CYRIB: variants seen among roughly 807,000 people sequenced by gnomAD.
The protein encoded by CYRIB is CYFIP related Rac1 interactor B.
A neutral mutation model predicts 44.2 loss-of-function variants in CYRIB; 8 were observed. The ratio of observed to expected loss-of-function variants is 0.18; its 90% CI spans 0.11 to 0.33. The LOEUF (loss-of-function observed/expected upper bound fraction) is 0.33, where lower values mean the gene tolerates loss of function less well. Among genes scored for constraint, CYRIB ranks in the 10% least tolerant of loss-of-function variants. The probability of loss-of-function intolerance (pLI) is 1.00; values close to 1 mark genes in which losing one functional copy is unlikely to be tolerated. For missense variants in CYRIB, 185 were observed against 382.8 expected, an observed-to-expected ratio of 0.48 and a Z score of 4.31; for synonymous variants, 131 against 127.2, an observed-to-expected ratio of 1.03 and a Z score of -0.20.
intron 1 of CYRIB, among the ~76,000 whole-genome samples, chr8:129,996,193 C>T (rs977776070): frequency 2.0e-5 from 3 of 152,162 alleles, no homozygotes; most frequent in Admixed American, 6.5e-5. Flanking sequence ...TAATCACAGC[C>T]GCTAGCCGAT....
chr8:129,999,142 C>T (rs928046806), intron 1 of CYRIB, among the ~76,000 whole-genome samples: 2 of 151,818 alleles, frequency 1.3e-5, no homozygotes, highest in East Asian at 1.9e-4. Context: ...GGGGGTGGGA[C>T]GCAGGAGGGG....
At chr8:129,956,994 G>A (rs2094888706) in intron 2 of CYRIB, among the ~76,000 whole-genome samples, 1 of 151,902 alleles carries the variant, frequency 6.6e-6, no homozygotes, top group South Asian at 2.1e-4. Flanking sequence ...ACACACGACT[G>A]TGCCTGGCTG....
exon 12 of CYRIB, chr8:129,840,800 G>A (rs2035955471): frequency 6.6e-6 from 1 of 152,210 alleles, no homozygotes; most frequent in Admixed American, 6.6e-5. Context: ...TGATCAGGAG[G>A]GCCAGAGAGA....
chr8:129,934,180 T>C (rs148557844), intron 1 of CYRIB, among the ~76,000 whole-genome samples: 142 of 152,274 alleles, frequency 9.3e-4, no homozygotes, highest in African/African-American at 3.3e-3. Context: ...TTACGCCTTC[T>C]GAAAAGCAGC....
intron 2 of CYRIB, among the ~76,000 whole-genome samples, chr8:129,959,059 CAAAAAAAAAA>C (rs60576774): frequency 2.9e-5 from 2 of 68,358 alleles, no homozygotes; most frequent in South Asian, 5.2e-4. Flanking sequence ...GACTCTGTCT[CAAAAAAAAAA>C]AAAAAAAAAA....
chr8:129,888,580 A>G (rs1170791055), intron 2 of CYRIB, among the ~76,000 whole-genome samples: 2 of 151,976 alleles, frequency 1.3e-5, no homozygotes, highest in Non-Finnish European at 2.9e-5. Flanking sequence ...TGAGCTACCT[A>G]CCCACCTATA....
chr8:129,840,074 A>T (rs1190019751), exon 12 of CYRIB: 1 of 159,686 alleles, frequency 6.3e-6, no homozygotes, highest in Non-Finnish European at 1.5e-5. Context: ...GCAGGTAAGT[A>T]TCAGAGGTGT....
chr8:129,944,288 G>A (rs563336843), upstream of CYRIB, among the ~76,000 whole-genome samples: 3 of 152,234 alleles, frequency 2.0e-5, no homozygotes, highest in South Asian at 2.1e-4. Context: ...AACTGGCAGC[G>A]AGGATGAAGA....
chr8:129,881,931 T>C (rs954663821), intron 2 of CYRIB, among the ~76,000 whole-genome samples: 1 of 152,164 alleles, frequency 6.6e-6, no homozygotes, highest in African/African-American at 2.4e-5. Context: ...CCCAAATAAT[T>C]ATCTCAAATT....
At chr8:129,890,369 C>T (rs911752982) in intron 2 of CYRIB, 1 of 152,188 alleles carries the variant, frequency 6.6e-6, no homozygotes, top group African/African-American at 2.4e-5. Context: ...CATTAACATC[C>T]AGGCAAGACC....
chr8:129,928,497 A>G (rs997237401), intron 1 of CYRIB, among the ~76,000 whole-genome samples: 2 of 152,048 alleles, frequency 1.3e-5, no homozygotes, highest in Non-Finnish European at 2.9e-5. Flanking sequence ...CAGACATTTC[A>G]CCGAAACAGA....
chr8:130,007,796 AC>A (rs572650511), intron 1 of CYRIB, among the ~76,000 whole-genome samples: 2 of 134,410 alleles, frequency 1.5e-5, no homozygotes, highest in African/African-American at 4.0e-5. Flanking sequence ...AAAAACAGCA[AC>A]AACAACAAAG....
chr8:129,985,264 C>G (rs1193705828), intron 1 of CYRIB, among the ~76,000 whole-genome samples: 1 of 152,194 alleles, frequency 6.6e-6, no homozygotes, highest in Non-Finnish European at 1.5e-5. Flanking sequence ...GGGATGGGCA[C>G]CACAGCGGCT....
At chr8:130,005,191 T>C (rs1169161720) in intron 1 of CYRIB, among the ~76,000 whole-genome samples, 2 of 152,216 alleles carry the variant, frequency 1.3e-5, no homozygotes, top group Admixed American at 6.5e-5. Context: ...TGTGACTCTG[T>C]TGAGCAGAGT....
chr8:129,915,763 A>G (rs562374877), intron 1 of CYRIB, among the ~76,000 whole-genome samples: 1 of 152,270 alleles, frequency 6.6e-6, no homozygotes, highest in East Asian at 1.9e-4. Flanking sequence ...AACCCACTAA[A>G]TTTTGTGGGT....
chr8:129,913,079 C>T (rs1463491608), intron 1 of CYRIB, among the ~76,000 whole-genome samples: 3 of 149,734 alleles, frequency 2.0e-5, no homozygotes, highest in Non-Finnish European at 4.4e-5. Context: ...TCACATCATT[C>T]TCCGGCCTCA....
At chr8:129,878,067 T>C (rs950727795) in intron 3 of CYRIB, among the ~76,000 whole-genome samples, 6 of 152,202 alleles carry the variant, frequency 3.9e-5, no homozygotes, top group African/African-American at 1.4e-4. Flanking sequence ...GCACTTAACA[T>C]AGCACTGGTA....
At chr8:129,884,595 A>C (rs1262415812) in intron 2 of CYRIB, among the ~76,000 whole-genome samples, 7 of 152,174 alleles carry the variant, frequency 4.6e-5, no homozygotes, top group Non-Finnish European at 7.3e-5. Flanking sequence ...GCCGGATTTA[A>C]GATTTTAAAG....
rs534469951 is a variant in CYRIB at position 129,869,622 on chromosome 8, T to C, written c.195+1753A>G. On this transcript the variant is annotated intron_variant, in intron 4 of 11. Coordinates refer to ENST00000519824, the Ensembl canonical transcript of CYRIB. Reference sequence around the variant, plus strand: ...CAAATGTTTGATTTTTCAAAATACGTTTAAATGTTTAGAGAACTTGAATTT... The same window carrying C: ...CAAATGTTTGATTTTTCAAAATACGCTTAAATGTTTAGAGAACTTGAATTT... Among the ~76,000 whole-genome samples, 33 of 152,280 alleles carry C rather than the reference T, an allele frequency of 2.2e-4. 1 individual carries two copies. Among genetic ancestry groups the C allele is most frequent in the African/African-American group, 7.5e-4 (31 of 41,556 alleles).
Sources: gnomAD v4.1 joint callset for allele counts (sites outside exome capture counted in the v4.1 genomes callset) on GRCh38, gnomAD v4.1.1 for gene constraint, MANE v1.5 for transcripts, NCBI Gene and HGNC (gene_info 2026-07-23, HGNC 2026-07-21) for gene names.